USP8: variants seen among roughly 807,000 people sequenced by gnomAD.
USP8 encodes the protein ubiquitin specific peptidase 8, also known as ubiquitin carboxyl-terminal hydrolase 8.
USP8 carries 27 observed loss-of-function variants against 130.0 expected under a neutral mutation model. That is an observed-to-expected ratio of 0.21 (90% CI 0.15 to 0.29). USP8 has a LOEUF of 0.29. Ranked by LOEUF, USP8 falls within the 10% of genes least tolerant of loss-of-function variation. The probability of loss-of-function intolerance (pLI) is 1.00; values close to 1 mark genes in which losing one functional copy is unlikely to be tolerated. For synonymous variants in USP8, 392 were observed against 444.1 expected (o/e 0.88, Z 1.48); for missense variants, 1,029 against 1,312.2 (o/e 0.78, Z 3.33).
intron 11 of USP8, among the ~76,000 whole-genome samples, chr15:50,482,377 A>G (rs1053827924): frequency 7.9e-5 from 12 of 152,224 alleles, no homozygotes; most frequent in Admixed American, 7.2e-4. Flanking sequence ...TGGGAAGACT[A>G]GAGTGAAATA....
In USP8 at chr15:50,510,829, TGCAGTGGCGCTATCTCG is replaced by T; in HGVS notation, c.*11744_*11760del. The T allele has an allele frequency of 3.3e-5, 5 of 152,148 alleles. No homozygotes were observed. Among genetic ancestry groups the T allele is most frequent in the African/African-American group, 9.6e-5 (4 of 41,500 alleles). 9.4% of individuals were successfully genotyped at this position (152,148 alleles called of 1,614,324 possible). A position where few individuals can be genotyped will look rare whatever the true frequency, so the allele number is the denominator to read the frequency against. On this transcript the variant is annotated 3_prime_UTR_variant, in exon 20 of 20. Transcript: ENST00000307179. Reference sequence around the variant, plus strand: ...TCTCGCTCTGTCTCCCAGGCTGGAGTGCAGTGGCGCTATCTCGGCTCACTGCAAGCTCCGCCTCCTGG... The same window carrying T: ...TCTCGCTCTGTCTCCCAGGCTGGAGTGCTCACTGCAAGCTCCGCCTCCTGG...
chr15:50,500,473 C>A lies in USP8; in HGVS notation c.*1385C>A. On this transcript the variant is annotated 3_prime_UTR_variant, in exon 20 of 20. Transcript: ENST00000307179. The stretch of plus-strand genomic sequence containing the variant: ...TATTCACACTGCCTTTTTTAGTGAA[C>A]CAAGACCCATCTTCTGGACGACAGA... 3.3e-6 allele frequency: 1 copy of A among 302,526 alleles called. No individual in the cohort carries two copies. The highest frequency in any genetic ancestry group is 6.4e-6 in the Non-Finnish European group (1 of 156,456). The allele number at this position is 302,526 out of a possible 1,614,324, so 18.7% of individuals were successfully genotyped here. A position where few individuals can be genotyped will look rare whatever the true frequency, so the allele number is the denominator to read the frequency against.
intron 10 of USP8, among the ~76,000 whole-genome samples, chr15:50,478,030 C>T (rs572601230): frequency 6.6e-6 from 1 of 152,214 alleles, no homozygotes; most frequent in Non-Finnish European, 1.5e-5. Context: ...GTTTCCAAGC[C>T]AGTTGGCGAT....
At chr15:50,488,817 C>T (rs975023903) in intron 12 of USP8, among the ~76,000 whole-genome samples, 3 of 151,836 alleles carry the variant, frequency 2.0e-5, no homozygotes, top group Admixed American at 6.6e-5. Context: ...AGGTGATCCA[C>T]CTGCCTCGGC....
chr15:50,496,714 A>AT (rs2052427275), intron 17 of USP8, among the ~76,000 whole-genome samples: 1 of 152,198 alleles, frequency 6.6e-6, no homozygotes, highest in Non-Finnish European at 1.5e-5. Flanking sequence ...TTTGCTTTAC[A>AT]TGGGGATATC....
chr15:50,493,821 C>G (rs540452928), intron 15 of USP8: 2 of 633,460 alleles, frequency 3.2e-6, no homozygotes, highest in Non-Finnish European at 5.8e-6. Flanking sequence ...CAGAACCTCG[C>G]TGTCATGAAC....
chr15:50,458,928 C>G, intron 4 of USP8, 72 bp from the exon 5 acceptor site: 1 of 1,575,982 alleles, frequency 6.3e-7, no homozygotes, highest in South Asian at 1.1e-5. Flanking sequence ...ACTAATTTTA[C>G]AGAACTGAAA....
chr15:50,468,817 G>A (rs2051283908), intron 7 of USP8, among the ~76,000 whole-genome samples: 2 of 151,728 alleles, frequency 1.3e-5, no homozygotes, highest in African/African-American at 2.4e-5. Flanking sequence ...TATATATACC[G>A]AAGTACTCCT....
At chr15:50,481,448 C>T in intron 10 of USP8, 33 bp from the exon 11 acceptor site, 1 of 1,449,542 alleles carries the variant, frequency 6.9e-7, no homozygotes. Context: ...TGATTTTTGA[C>T]AAAAATGTTT....
In USP8 at chr15:50,484,344, G is replaced by A. The variant is rs768514589; in HGVS notation, c.1873G>A (p.Asp625Asn). ...RTGTFREDTD[D>N]TERNKAQREP... ...AGGAACTTTTAGAGAGGATACAGAC[G>A]ATACCGAAAGAAATAAAGTAAGTAG... Residue 625 changes from aspartate (D) to asparagine (N), a missense_variant, in exon 12 of 20, where the codon GAT becomes AAT. Asp to Asn is a conservative substitution (Grantham distance 23). Coordinates refer to ENST00000307179, the MANE Select transcript of USP8 (RefSeq NM_005154.5). The A allele has an allele frequency of 1.8e-5, 29 of 1,610,838 alleles. No homozygotes were observed. The South Asian group carries it at 1.9e-4, about 10-fold the overall frequency.
intron 6 of USP8, among the ~76,000 whole-genome samples, chr15:50,462,626 A>G (rs571885368): frequency 1.3e-5 from 2 of 152,322 alleles, no homozygotes; most frequent in East Asian, 3.9e-4. Context: ...TTTAGCAATA[A>G]TGGTTAAGAG....
intron 5 of USP8, among the ~76,000 whole-genome samples, chr15:50,461,180 C>T (rs1055899070): frequency 2.6e-5 from 4 of 152,032 alleles, no homozygotes; most frequent in Non-Finnish European, 5.9e-5. Context: ...TTAGTAGAGA[C>T]AAGGTTTCTC....
rs2051784360 is a variant in USP8 at position 50,481,836 on chromosome 15, T to C, written c.1574T>C (p.Met525Thr). 3 of 1,522,996 alleles carry C rather than the reference T, an allele frequency of 2.0e-6. No individual in the cohort carries two copies. The South Asian group carries it at 3.9e-5, about 20-fold the overall frequency. 94.3% of individuals were successfully genotyped at this position (1,522,996 alleles called of 1,614,324 possible). The change falls in exon 11 of 20, where the codon ATG (methionine) becomes ACG (threonine). Residue 525 changes from methionine to threonine, a missense_variant. By Grantham distance (81) the Met-to-Thr change is moderately conservative (BLOSUM62 -1). Around this residue, in one of 4 missense-constraint regions of USP8, gnomAD observed 486 missense variants for 522.0 expected, o/e 0.93. Transcript: ENST00000307179. Reference sequence around the variant, plus strand: ...AAGCAACAAAAAGCAAAAGAAGAAATGGAGAAGAAAGAAAGTGAACAGGCC... The same window carrying C: ...AAGCAACAAAAAGCAAAAGAAGAAACGGAGAAGAAAGAAAGTGAACAGGCC... ...TEKQQKAKEEMEKKESEQAKK... is the reference protein window; with the variant it reads ...TEKQQKAKEETEKKESEQAKK...
chr15:50,466,525 G>T (rs1030486285), intron 7 of USP8, among the ~76,000 whole-genome samples: 1 of 151,772 alleles, frequency 6.6e-6, no homozygotes, highest in African/African-American at 2.4e-5. Context: ...AACCCGGGAG[G>T]CGGAGGTTGC....
rs1411345568 is a variant in USP8 at position 50,514,322 on chromosome 15, C to T, written c.*15234C>T. ...TGTTTAAACTCTGTTCTGCTGGTTA[C>T]ATGGGTATGTTCACTTGAAAATCCA... is the stretch of plus-strand genomic sequence containing the variant. On this transcript the variant is annotated 3_prime_UTR_variant, in exon 20 of 20. Transcript: ENST00000307179. 1 of 152,190 alleles carries T rather than the reference C, an allele frequency of 6.6e-6. No individual in the cohort carries two copies. The allele number at this position is 152,190 out of a possible 1,614,324, so 9.4% of individuals were successfully genotyped here.
Position 50,500,276 on chromosome 15 carries a change from C to T in USP8, c.*1188C>T, listed in dbSNP as rs1024477126. 5 of 153,472 alleles carry T rather than the reference C, an allele frequency of 3.3e-5. No homozygotes were observed. The highest frequency in any genetic ancestry group is 7.2e-5 in the African/African-American group (3 of 41,396). The allele number at this position is 153,472 out of a possible 1,614,324, so 9.5% of individuals were successfully genotyped here. On this transcript the variant is annotated 3_prime_UTR_variant, in exon 20 of 20. Coordinates refer to ENST00000307179, the MANE Select transcript of USP8 (RefSeq NM_005154.5). Reference sequence around the variant, plus strand: ...ATTCAAATCATATTCTTAAACTCATCGAGCCATTTGAACAAAAATTATTTT... The same window carrying T: ...ATTCAAATCATATTCTTAAACTCATTGAGCCATTTGAACAAAAATTATTTT...
chr15:50,449,045 G>GA (rs1300406020), intron 3 of USP8, among the ~76,000 whole-genome samples: 3 of 152,224 alleles, frequency 2.0e-5, no homozygotes, highest in African/African-American at 4.8e-5. Flanking sequence ...TGAGACTGGA[G>GA]AAAAAACTAG....
At chr15:50,433,923 C>G (rs2050013437) in intron 1 of USP8, among the ~76,000 whole-genome samples, 1 of 152,170 alleles carries the variant, frequency 6.6e-6, no homozygotes, top group Admixed American at 6.5e-5. Flanking sequence ...TCTTTGTTAA[C>G]TCATTTTCAA....
rs1187215673 is a variant in USP8 at position 50,513,558 on chromosome 15, A to T, written c.*14470A>T. On this transcript the variant is annotated 3_prime_UTR_variant, in exon 20 of 20. Transcript: ENST00000307179. ...AAAAAAGAGTGAAGAATCAAGCCAC[A>T]GAAGGTAATTTAAAAATGTACACTC... The T allele has an allele frequency of 6.6e-6, 1 of 151,548 alleles. No homozygotes were observed. The highest frequency in any genetic ancestry group is 2.4e-5 in the African/African-American group (1 of 41,342). The allele number at this position is 151,548 out of a possible 1,614,324, so 9.4% of individuals were successfully genotyped here.
Sources: allele counts gnomAD v4.1 joint callset (sites outside exome capture counted in the v4.1 genomes callset), GRCh38; gene constraint gnomAD v4.1.1; regional missense constraint gnomAD v4.1.1; transcripts MANE v1.5; gene names NCBI Gene and HGNC (gene_info 2026-07-23, HGNC 2026-07-21).